The following RANBP3 variants were observed in gnomAD, a reference collection of about 807,000 sequenced individuals.
RANBP3 encodes the protein ran-binding protein 3.
Under a neutral mutation model 77.3 loss-of-function variants are expected in RANBP3, and 14 were observed. The ratio of observed to expected loss-of-function variants is 0.18; its 90% CI spans 0.12 to 0.28. RANBP3 has a LOEUF of 0.28. Ranked by LOEUF, RANBP3 falls within the 10% of genes least tolerant of loss-of-function variation. The probability of loss-of-function intolerance (pLI) is 1.00; values close to 1 mark genes in which losing one functional copy is unlikely to be tolerated. For missense variants in RANBP3, 586 were observed against 752.3 expected, an observed-to-expected ratio of 0.78 and a Z score of 2.59; for synonymous variants, 315 against 312.4, an observed-to-expected ratio of 1.01 and a Z score of -0.09.
Position 5,918,357 on chromosome 19 carries a change from A to G in RANBP3, c.1473+139T>C, listed in dbSNP as rs1023367204. The G allele has an allele frequency of 5.6e-5, 52 of 923,686 alleles. No homozygotes were observed. The South Asian group carries it at 8.5e-4, about 15-fold the overall frequency. 57.2% of individuals were successfully genotyped at this position (923,686 alleles called of 1,614,324 possible). ...GAAGGCTGGGACTGGCGGGTCCCAT[A>G]GTGCTTCTTGTGTCCCAGGAAGCAA... is the stretch of plus-strand genomic sequence containing the variant. On this transcript the variant is annotated intron_variant, in intron 15 of 16. Coordinates refer to ENST00000340578, the MANE Select transcript of RANBP3 (RefSeq NM_007322.3).
chr19:5,977,525 C>T (rs995591404), intron 1 of RANBP3, among the ~76,000 whole-genome samples: 23 of 150,348 alleles, frequency 1.5e-4, no homozygotes, highest in Non-Finnish European at 3.3e-4. Flanking sequence ...GGCCGAAGTT[C>T]GGGGCGGGGA....
At chr19:5,935,592 C>T (rs375068854) in intron 5 of RANBP3, 35 of 379,986 alleles carry the variant, frequency 9.2e-5, no homozygotes, top group African/African-American at 4.8e-4. Flanking sequence ...CACTCCGCTC[C>T]GTGCAGCGCT....
chr19:5,968,532 G>T (rs2058494882), intron 1 of RANBP3, among the ~76,000 whole-genome samples: 1 of 152,344 alleles, frequency 6.6e-6, no homozygotes, highest in East Asian at 1.9e-4. Context: ...CAAACATATT[G>T]ATGCCACCTT....
At chr19:5,956,712 T>C (rs1027854231) in intron 2 of RANBP3, among the ~76,000 whole-genome samples, 1 of 152,072 alleles carries the variant, frequency 6.6e-6, no homozygotes, top group African/African-American at 2.4e-5. Context: ...CACTTCAACA[T>C]TGCTCAGGAA....
chr19:5,957,957 A>G lies in RANBP3; in HGVS notation c.39T>C (p.Ala13=). ...DLANEEKPAI[A]PPVFVFQKDK... is the part of the protein sequence containing the mutation. ...CCTTCTGAAACACAAAGACGGGCGG[A>G]GCAATGGCAGGCTTTTCTGCAAAAA... The change falls in exon 2 of 17, where the codon GCT becomes GCC. Residue 13 remains alanine, a synonymous_variant. Coordinates refer to ENST00000340578, the MANE Select transcript of RANBP3 (RefSeq NM_007322.3). 1 of 1,614,208 alleles carries G rather than the reference A, an allele frequency of 6.2e-7. No homozygotes were observed. Among genetic ancestry groups the G allele is most frequent in the Non-Finnish European group, 8.5e-7 (1 of 1,180,036 alleles).
At position 5,952,299 on chromosome 19, in the gene RANBP3, G is replaced by A. The variant is rs1307674398; in HGVS notation, c.79-703C>T. ...AAATCCACAGAGCCCCTCAGCCTAG[G>A]ATTCTCCCAGGTGCATCCTCAACAC... On this transcript the variant is annotated intron_variant, in intron 2 of 16. Transcript: ENST00000340578. This position sits in a 1 kb window ranked among gnomAD's most constrained non-coding sequence, Gnocchi z 4.1. Among the ~76,000 whole-genome samples the A allele has an allele frequency of 6.6e-6, 1 of 152,140 alleles. No homozygotes were observed. The highest frequency in any genetic ancestry group is 1.5e-5 in the Non-Finnish European group (1 of 68,022).
rs1301031618 is a variant in RANBP3 at position 5,959,979 on chromosome 19, A to G, written c.23-2006T>C. 2.0e-5 allele frequency among the ~76,000 whole-genome samples: 3 copies of G among 152,172 alleles called. No homozygotes were observed. The highest frequency in any genetic ancestry group is 4.8e-5 in the African/African-American group (2 of 41,432). On this transcript the variant is annotated intron_variant, in intron 1 of 16. Transcript: ENST00000340578. This position sits in a 1 kb window ranked among gnomAD's most constrained non-coding sequence, Gnocchi z 5.1. ...AGCCCCAGCTCCAGGCCTGACAAGA[A>G]GAGTCCCGCATGCATCGTCTAACAC...
intron 5 of RANBP3, chr19:5,934,362 G>A (rs1048338558): frequency 2.0e-5 from 3 of 152,212 alleles, no homozygotes; most frequent in Non-Finnish European, 4.4e-5. Flanking sequence ...CCCTGCGTTT[G>A]TGCTAAGCTT....
intron 8 of RANBP3, among the ~76,000 whole-genome samples, chr19:5,929,575 C>G (rs527380938): frequency 4.6e-4 from 70 of 152,320 alleles, no homozygotes; most frequent in Non-Finnish European, 8.2e-4. Context: ...GTCTGAGACT[C>G]TGTGTGTGTG....
Position 5,923,187 on chromosome 19 carries a change from C to T in RANBP3, c.1209+7G>A. 1.9e-6 allele frequency: 3 copies of T among 1,613,364 alleles called. No homozygotes were observed. Among genetic ancestry groups the T allele is most frequent in the Non-Finnish European group, 2.5e-6 (3 of 1,179,348 alleles). On this transcript the variant is annotated splice_region_variant and intron_variant, in intron 13 of 16. Coordinates refer to ENST00000340578, the MANE Select transcript of RANBP3 (RefSeq NM_007322.3). ...CCAGGGCCACCGAGGAGGGGCCGGC[C>T]CCTCACCTGTAACACATTGCTCTCC...
At chr19:5,929,911 A>G (rs2057965877) in intron 8 of RANBP3, among the ~76,000 whole-genome samples, 1 of 152,190 alleles carries the variant, frequency 6.6e-6, no homozygotes, top group Non-Finnish European at 1.5e-5. Flanking sequence ...TGGGAATGGC[A>G]GCCAGCACAT....
intron 5 of RANBP3, among the ~76,000 whole-genome samples, chr19:5,940,819 G>A (rs887830166): frequency 6.6e-5 from 10 of 152,352 alleles, no homozygotes; most frequent in African/African-American, 2.4e-4. Context: ...GTCAAGACGG[G>A]GACGAGAGAA....
intron 1 of RANBP3, among the ~76,000 whole-genome samples, chr19:5,974,937 G>A (rs2058572775): frequency 6.6e-6 from 1 of 152,212 alleles, no homozygotes; most frequent in Non-Finnish European, 1.5e-5. Context: ...AAGAGAGATG[G>A]CAAATGGATG....
intron 5 of RANBP3, among the ~76,000 whole-genome samples, chr19:5,937,871 A>C (rs2058086597): frequency 6.6e-6 from 1 of 152,206 alleles, no homozygotes. Flanking sequence ...AGAGCTCAGC[A>C]GCACAAATGG....
At chr19:5,922,760 G>T (rs374835811) in intron 13 of RANBP3, among the ~76,000 whole-genome samples, 7 of 152,052 alleles carry the variant, frequency 4.6e-5, no homozygotes, top group East Asian at 1.9e-4. Context: ...GCCAACATGG[G>T]GAAACCCCGT....
At chr19:5,933,384 C>T in intron 6 of RANBP3, 30 bp downstream of exon 6, 1 of 1,575,032 alleles carries the variant, frequency 6.3e-7, no homozygotes, top group Non-Finnish European at 8.6e-7. Flanking sequence ...CAGAGAGCCA[C>T]CCCCCGCCCC....
intron 1 of RANBP3, among the ~76,000 whole-genome samples, chr19:5,965,137 G>A (rs565186591): frequency 1.1e-4 from 17 of 152,136 alleles, no homozygotes; most frequent in African/African-American, 3.9e-4. Context: ...CTGAGGAGGT[G>A]GGGGGCTTGA....
Position 5,917,964 on chromosome 19 carries a change from G to C in RANBP3, c.1490C>G (p.Thr497Arg). The C allele has an allele frequency of 6.3e-7, 1 of 1,597,502 alleles. No individual in the cohort carries two copies. The highest frequency in any genetic ancestry group is 8.6e-7 in the Non-Finnish European group (1 of 1,168,952). ...VFLISASSKD[T>R]GQLYAALHHR... ...GTGCAGGGCTGCATACAACTGACCT[G>C]TGTCCTTGGAGCTGGCCTGGGAAGG... Residue 497 changes from threonine (T) to arginine (R), a missense_variant, in exon 16 of 17, where the codon ACA (threonine) becomes AGA (arginine). Coordinates refer to ENST00000340578, the MANE Select transcript of RANBP3 (RefSeq NM_007322.3).
chr19:5,944,708 C>T (rs150749207), intron 3 of RANBP3, among the ~76,000 whole-genome samples: 322 of 152,350 alleles, frequency 2.1e-3, no homozygotes, highest in Non-Finnish European at 4.1e-3. Flanking sequence ...CTGCACAGCC[C>T]GATCTCCTCG....
Sources: allele counts gnomAD v4.1 joint callset (sites outside exome capture counted in the v4.1 genomes callset), GRCh38; gene constraint gnomAD v4.1.1; non-coding constraint Gnocchi (gnomAD v3.1); transcripts MANE v1.5; gene names NCBI Gene and HGNC (gene_info 2026-07-23, HGNC 2026-07-21).